Variants in PRKAG2 observed in about 807,000 individuals in gnomAD.
PRKAG2 encodes protein kinase AMP-activated non-catalytic subunit gamma 2, also known as 5'-AMP-activated protein kinase subunit gamma-2.
In PRKAG2, 26 loss-of-function variants were observed where a neutral mutation model predicts 69.6. The observed-to-expected ratio is 0.37, with a 90% CI of 0.27 to 0.52. The LOEUF (loss-of-function observed/expected upper bound fraction) is 0.52, where lower values mean the gene tolerates loss of function less well. Among genes scored for constraint, PRKAG2 ranks in the 20% least tolerant of loss-of-function variants. PRKAG2 has a pLI of 0.90. For synonymous variants in PRKAG2, 293 were observed against 285.0 expected (o/e 1.03, Z -0.28); for missense variants, 557 against 740.0 (o/e 0.75, Z 2.87).
chr7:151,706,204 C>T (rs1477642154), intron 3 of PRKAG2, among the ~76,000 whole-genome samples: 1 of 152,204 alleles, frequency 6.6e-6, no homozygotes, highest in Non-Finnish European at 1.5e-5. Context: ...TCCAGCCAAG[C>T]CTTGAAGTCT....
chr7:151,643,078 T>C (rs17173208), intron 4 of PRKAG2, among the ~76,000 whole-genome samples: 5,700 of 152,300 alleles, frequency 0.037, 356 homozygotes, highest in African/African-American at 0.13. Context: ...CAGTCTGAAA[T>C]GCATACATCT....
In PRKAG2 at chr7:151,661,567, T is replaced by C. The variant is rs78799650; in HGVS notation, c.684+13853A>G. 5.3e-3 allele frequency among the ~76,000 whole-genome samples: 813 copies of C among 152,298 alleles called. 12 individuals are homozygous for C. The highest frequency in any genetic ancestry group is 0.018 in the African/African-American group (761 of 41,558). On this transcript the variant is annotated intron_variant, in intron 4 of 15. Coordinates refer to ENST00000287878, the MANE Select transcript of PRKAG2 (RefSeq NM_016203.4). ...GAACCACCTGTTTCAATTTCCATTT[T>C]TTAAAAAAATAAAATATACCTCTGT...
At chr7:151,700,266 G>A (rs1357400162) in intron 3 of PRKAG2, among the ~76,000 whole-genome samples, 1 of 152,168 alleles carries the variant, frequency 6.6e-6, no homozygotes, top group Non-Finnish European at 1.5e-5. Flanking sequence ...CAGTGAACAC[G>A]ACAGAGAAGA....
intron 5 of PRKAG2, among the ~76,000 whole-genome samples, chr7:151,616,256 G>A (rs946809312): frequency 2.6e-5 from 4 of 152,148 alleles, no homozygotes; most frequent in Admixed American, 6.6e-5. Context: ...CAACGAGGGC[G>A]GGAGGAAGCA....
chr7:151,559,511 GTGA>G lies in PRKAG2; in HGVS notation c.1678+1010_1678+1012del, dbSNP rs1804456305. ...ATTTTCTAGTAAATTCCAGGTGGTG[GTGA>G]TGATGCCTGGCCTGAGGACCACCTC... On this transcript the variant is annotated intron_variant, in intron 15 of 15. Coordinates refer to ENST00000287878, the MANE Select transcript of PRKAG2 (RefSeq NM_016203.4). 4.1e-6 allele frequency: 4 copies of G among 981,294 alleles called. No individual in the cohort carries two copies. In the African/African-American group the frequency reaches 5.3e-5, roughly 13 times the overall value. 60.8% of individuals were successfully genotyped at this position (981,294 alleles called of 1,614,324 possible).
chr7:151,801,132 G>A (rs903493156), intron 1 of PRKAG2, among the ~76,000 whole-genome samples: 2 of 152,188 alleles, frequency 1.3e-5, no homozygotes, highest in African/African-American at 4.8e-5. Flanking sequence ...CCTCAGAGAT[G>A]CTGGAGGTCA....
At chr7:151,749,762 C>T (rs2074538917) in intron 3 of PRKAG2, among the ~76,000 whole-genome samples, 1 of 148,246 alleles carries the variant, frequency 6.7e-6, no homozygotes, top group African/African-American at 2.5e-5. Context: ...TAGACCACTT[C>T]ACATCCTCTA....
chr7:151,767,407 C>T (rs1245936561), intron 3 of PRKAG2, among the ~76,000 whole-genome samples: 2 of 152,252 alleles, frequency 1.3e-5, no homozygotes, highest in Admixed American at 1.3e-4. Flanking sequence ...TCTCCTGCCT[C>T]AGCCTCCCGA....
At chr7:151,600,632 A>G (rs1815819021) in intron 5 of PRKAG2, among the ~76,000 whole-genome samples, 1 of 152,014 alleles carries the variant, frequency 6.6e-6, no homozygotes, top group Non-Finnish European at 1.5e-5. Context: ...ATGCATCTCC[A>G]CATCTGGCTT....
intron 1 of PRKAG2, chr7:151,809,126 C>A (rs371108823): frequency 3.1e-5 from 13 of 417,028 alleles, no homozygotes; most frequent in African/African-American, 1.4e-4. Context: ...CTGCAGCTGG[C>A]TCCCAGCCAG....
At chr7:151,865,538 C>T (rs138646856) in intron 1 of PRKAG2, among the ~76,000 whole-genome samples, 1 of 152,172 alleles carries the variant, frequency 6.6e-6, no homozygotes, top group South Asian at 2.1e-4. Flanking sequence ...ACAGTGAGAC[C>T]CCTGTGCCTG....
At chr7:151,676,275 A>C (rs1385268011) in intron 3 of PRKAG2, among the ~76,000 whole-genome samples, 3 of 29,264 alleles carry the variant, frequency 1.0e-4, no homozygotes, top group Non-Finnish European at 2.1e-4. Flanking sequence ...AGGGGAGGGG[A>C]GGGGAGGGGA....
chr7:151,760,244 T>C (rs1015129102), intron 3 of PRKAG2, among the ~76,000 whole-genome samples: 2 of 70,958 alleles, frequency 2.8e-5, no homozygotes, highest in Non-Finnish European at 5.1e-5. Context: ...TGGGTGTTTG[T>C]TTATTGTTTT....
chr7:151,862,137 G>A (rs1027723668), intron 1 of PRKAG2, among the ~76,000 whole-genome samples: 3 of 152,100 alleles, frequency 2.0e-5, no homozygotes, highest in African/African-American at 7.2e-5. Flanking sequence ...CGCCCGGCCC[G>A]TCTCCAGGCA....
chr7:151,582,798 C>A (rs1810804515), intron 6 of PRKAG2, among the ~76,000 whole-genome samples: 1 of 152,212 alleles, frequency 6.6e-6, no homozygotes, highest in Non-Finnish European at 1.5e-5. Flanking sequence ...CTCCTTGGCC[C>A]GTGCCAGCTG....
intron 3 of PRKAG2, among the ~76,000 whole-genome samples, chr7:151,746,863 CAGAGA>C (rs2074316226): frequency 6.6e-6 from 1 of 152,222 alleles, no homozygotes; most frequent in Non-Finnish European, 1.5e-5. Flanking sequence ...TGGATCTCAG[CAGAGA>C]AATCAGAAGG....
At chr7:151,855,320 C>CCACACACCACCCTCCACACACACCACCCT (rs1563757267) in intron 1 of PRKAG2, among the ~76,000 whole-genome samples, 561 of 1,140 alleles carry the variant, frequency 0.49, 267 homozygotes, top group Admixed American at 0.7. Flanking sequence ...ACACCACCCT[C>CCACACACCACCCTCCACACACACCACCCT]CCACACACCG....
chr7:151,842,578 T>TGGTA (rs1476927843), intron 1 of PRKAG2, among the ~76,000 whole-genome samples: 1 of 145,936 alleles, frequency 6.9e-6, no homozygotes, highest in African/African-American at 2.6e-5. Context: ...TAGGTAGTGA[T>TGGTA]GGTAGTGATG....
intron 1 of PRKAG2, among the ~76,000 whole-genome samples, chr7:151,831,711 A>T (rs1043636355): frequency 6.6e-6 from 1 of 152,010 alleles, no homozygotes; most frequent in African/African-American, 2.4e-5. Context: ...CTCCTCCTCC[A>T]AGCTGGTCTC....
Sources: gnomAD v4.1 joint callset for allele counts (sites outside exome capture counted in the v4.1 genomes callset) on GRCh38, gnomAD v4.1.1 for gene constraint, MANE v1.5 for transcripts, NCBI Gene and HGNC (gene_info 2026-07-23, HGNC 2026-07-21) for gene names.